Variants in ROBO1 observed in about 807,000 individuals in gnomAD.
ROBO1 encodes the protein roundabout homolog 1.
A neutral mutation model predicts 195.9 loss-of-function variants in ROBO1; 149 were observed. The observed-to-expected ratio is 0.76, with a 90% CI of 0.67 to 0.87. The LOEUF (loss-of-function observed/expected upper bound fraction) is 0.87. Ranked by LOEUF, ROBO1 falls within the 40% of genes least tolerant of loss-of-function variation. The pLI is 0.00. For missense variants in ROBO1, 1,933 were observed against 2,068.3 expected (o/e 0.93, Z 1.27); for synonymous variants, 816 against 733.2 (o/e 1.11, Z -1.82).
chr3:78,714,400 G>C lies in ROBO1; in HGVS notation c.1042C>G (p.Gln348Glu). The C allele has an allele frequency of 6.2e-7, 1 of 1,610,966 alleles. No homozygotes were observed. Among genetic ancestry groups the C allele is most frequent in the South Asian group, 1.1e-5 (1 of 90,342 alleles). Residue 348 changes from glutamine (Q) to glutamate (E), a missense_variant, in exon 8 of 31, where the codon CAA becomes GAA. Around this residue, in one of 3 missense-constraint regions of ROBO1, gnomAD observed 1,737 missense variants for 1,882.5 expected, o/e 0.92. Transcript: ENST00000464233. ...CAAAGCCTTTCCCAATGCCTACCTTGAACAGTCAGAGTAGCAGATGCTTCA... is the reference window on the plus strand; with the variant it reads ...CAAAGCCTTTCCCAATGCCTACCTTCAACAGTCAGAGTAGCAGATGCTTCA... ...KAEASATLTV[Q>E]EPPHFVVKPR...
intron 4 of ROBO1, among the ~76,000 whole-genome samples, chr3:78,913,699 T>A (rs1458463734): frequency 6.6e-6 from 1 of 152,060 alleles, no homozygotes; most frequent in Admixed American, 6.6e-5. Context: ...TTTCAACTTG[T>A]GAAATGTTAG....
intron 1 of ROBO1, among the ~76,000 whole-genome samples, chr3:79,707,802 C>T (rs1453455567): frequency 6.6e-6 from 1 of 152,192 alleles, no homozygotes; most frequent in Non-Finnish European, 1.5e-5. Context: ...GCCATCACAC[C>T]TGGCCGAAAA....
At chr3:79,098,770 G>A (rs1386811558) in intron 3 of ROBO1, among the ~76,000 whole-genome samples, 1 of 151,524 alleles carries the variant, frequency 6.6e-6, no homozygotes, top group Non-Finnish European at 1.5e-5. Flanking sequence ...GCTTTTTTTG[G>A]CTTCTTTTAG....
At chr3:79,027,900 G>T (rs1204770417) in intron 3 of ROBO1, among the ~76,000 whole-genome samples, 1 of 151,984 alleles carries the variant, frequency 6.6e-6, no homozygotes, top group Non-Finnish European at 1.5e-5. Context: ...AGCAAAACAG[G>T]TGTTTGCTGA....
At chr3:78,662,221 A>T in intron 14 of ROBO1, 107 bp from the exon 15 acceptor site, 1 of 933,868 alleles carries the variant, frequency 1.1e-6, no homozygotes, top group Non-Finnish European at 1.5e-6. Flanking sequence ...AGTAAAGAAG[A>T]GTCCAAGCCA....
chr3:79,752,330 T>G (rs2107480636), intron 1 of ROBO1, among the ~76,000 whole-genome samples: 1 of 152,286 alleles, frequency 6.6e-6, no homozygotes, highest in South Asian at 2.1e-4. Flanking sequence ...CACATAATTT[T>G]TTAATAAAAC....
intron 3 of ROBO1, among the ~76,000 whole-genome samples, chr3:78,966,222 T>A (rs1052904132): frequency 6.6e-6 from 1 of 152,110 alleles, no homozygotes; most frequent in African/African-American, 2.4e-5. Flanking sequence ...TGTGGAAAAA[T>A]TGTCTTCTAA....
At chr3:78,837,925 T>G (rs1559908908) in intron 4 of ROBO1, among the ~76,000 whole-genome samples, 1 of 152,186 alleles carries the variant, frequency 6.6e-6, no homozygotes, top group Non-Finnish European at 1.5e-5. Flanking sequence ...ATATGGCAAA[T>G]ATCGTCAACC....
At chr3:78,774,647 CTCACTT>C (rs2083461689) in intron 4 of ROBO1, among the ~76,000 whole-genome samples, 1 of 151,758 alleles carries the variant, frequency 6.6e-6, no homozygotes, top group African/African-American at 2.4e-5. Flanking sequence ...TCAGAGGAAA[CTCACTT>C]TAACTTTCAT....
intron 3 of ROBO1, among the ~76,000 whole-genome samples, chr3:79,009,107 ATTTTTTT>A (rs749520016): frequency 1.7e-5 from 2 of 115,356 alleles, no homozygotes; most frequent in Non-Finnish European, 3.5e-5. Context: ...CGCCCAGCTA[ATTTTTTT>A]TTTTTTTTTT....
intron 4 of ROBO1, among the ~76,000 whole-genome samples, chr3:78,765,833 G>T (rs2083217171): frequency 6.6e-6 from 1 of 152,172 alleles, no homozygotes; most frequent in Non-Finnish European, 1.5e-5. Context: ...ATGTGTCCGA[G>T]TAAATTTACA....
intron 3 of ROBO1, among the ~76,000 whole-genome samples, chr3:78,982,900 T>C (rs2107999545): frequency 6.6e-6 from 1 of 152,166 alleles, no homozygotes; most frequent in South Asian, 2.1e-4. Context: ...ATTACAGGTG[T>C]GAGACACCAC....
chr3:79,208,033 A>T (rs1039333015), intron 2 of ROBO1, among the ~76,000 whole-genome samples: 1 of 152,242 alleles, frequency 6.6e-6, no homozygotes, highest in African/African-American at 2.4e-5. Context: ...AAATTAAATT[A>T]CCTTGATGTC....
At chr3:79,424,889 T>C (rs773789547) in intron 2 of ROBO1, among the ~76,000 whole-genome samples, 1 of 152,072 alleles carries the variant, frequency 6.6e-6, no homozygotes, top group Non-Finnish European at 1.5e-5. Context: ...GAATAGAGAC[T>C]GAAATCAGGT....
At chr3:79,714,253 C>T (rs1312861844) in intron 1 of ROBO1, among the ~76,000 whole-genome samples, 10 of 152,106 alleles carry the variant, frequency 6.6e-5, no homozygotes, top group African/African-American at 2.4e-4. Flanking sequence ...AAAAAATATT[C>T]ATCATCACTG....
intron 2 of ROBO1, among the ~76,000 whole-genome samples, chr3:79,184,905 A>G (rs531656070): frequency 1.3e-5 from 2 of 152,258 alleles, no homozygotes; most frequent in East Asian, 3.9e-4. Context: ...ACCCAGAACA[A>G]AAGTCAGGTC....
chr3:79,160,109 A>AT (rs951569645), intron 2 of ROBO1, among the ~76,000 whole-genome samples: 5 of 152,108 alleles, frequency 3.3e-5, no homozygotes, highest in African/African-American at 1.2e-4. Context: ...GTTTAAGGCC[A>AT]TTTTTACTTA....
chr3:79,180,719 A>G (rs2081326321), intron 2 of ROBO1, among the ~76,000 whole-genome samples: 1 of 152,202 alleles, frequency 6.6e-6, no homozygotes, highest in African/African-American at 2.4e-5. Context: ...AAGTGTAGAC[A>G]ATGCTATAAA....
chr3:79,763,743 T>C (rs1033324377), intron 1 of ROBO1, among the ~76,000 whole-genome samples: 3 of 152,170 alleles, frequency 2.0e-5, no homozygotes, highest in African/African-American at 7.2e-5. Context: ...GGGTATATTT[T>C]CTGAAAAAGT....
Sources: allele counts gnomAD v4.1 joint callset (sites outside exome capture counted in the v4.1 genomes callset), GRCh38; gene constraint gnomAD v4.1.1; regional missense constraint gnomAD v4.1.1; transcripts MANE v1.5; gene names NCBI Gene and HGNC (gene_info 2026-07-23, HGNC 2026-07-21).